The following SNX27 variants were observed in gnomAD, a reference collection of about 807,000 sequenced individuals.
The protein encoded by SNX27 is sorting nexin-27.
A neutral mutation model predicts 71.6 loss-of-function variants in SNX27; 22 were observed. The observed-to-expected ratio is 0.31, with a 90% CI of 0.22 to 0.44. The LOEUF is 0.44. Among genes scored for constraint, SNX27 ranks in the 20% least tolerant of loss-of-function variants. The pLI is 1.00. For missense variants in SNX27, 531 were observed against 698.6 expected, an observed-to-expected ratio of 0.76 and a Z score of 2.70; for synonymous variants, 269 against 277.2, an observed-to-expected ratio of 0.97 and a Z score of 0.29.
At position 151,698,674 on chromosome 1, in the gene SNX27, C is replaced by A. The variant is rs553750395; in HGVS notation, c.*4257C>A. On this transcript the variant is annotated 3_prime_UTR_variant, in exon 12 of 12. Transcript: ENST00000458013. Reference sequence around the variant, plus strand: ...GCTGCCAGGACAGCATCAGCTCACTCCTCAGCAATAATCTAGGGTATGTGG... The same window carrying A: ...GCTGCCAGGACAGCATCAGCTCACTACTCAGCAATAATCTAGGGTATGTGG... 7.2e-5 allele frequency: 11 copies of A among 152,596 alleles called. No homozygotes were observed. The highest frequency in any genetic ancestry group is 2.4e-4 in the African/African-American group (10 of 41,576). 9.5% of individuals were successfully genotyped at this position (152,596 alleles called of 1,614,324 possible). A position where few individuals can be genotyped will look rare whatever the true frequency, so the allele number is the denominator to read the frequency against.
At chr1:151,652,790 C>T (rs1224193394) in intron 2 of SNX27, among the ~76,000 whole-genome samples, 1 of 152,094 alleles carries the variant, frequency 6.6e-6, no homozygotes. Flanking sequence ...TCTGTTCATA[C>T]ATGTTTTCTG....
chr1:151,640,845 G>A (rs1406083450), intron 2 of SNX27, among the ~76,000 whole-genome samples: 1 of 152,068 alleles, frequency 6.6e-6, no homozygotes, highest in East Asian at 1.9e-4. Context: ...GTTCCCTCAT[G>A]CCCTTTACAG....
Position 151,625,039 on chromosome 1 carries a change from C to T in SNX27, c.311+12527C>T, listed in dbSNP as rs1373417542. On this transcript the variant is annotated intron_variant, in intron 1 of 11. Transcript: ENST00000458013. ...ACACCCGGTCAAAGGTAAAAAGTCC[C>T]AGTGATGGTAAGCAACTTATTTGAC... Among the ~76,000 whole-genome samples, 3 of 152,178 alleles carry T rather than the reference C, an allele frequency of 2.0e-5. No homozygotes were observed. The East Asian group carries it at 5.8e-4, about 29-fold the overall frequency.
chr1:151,643,246 G>T (rs919048460), intron 2 of SNX27, among the ~76,000 whole-genome samples: 6 of 150,876 alleles, frequency 4.0e-5, no homozygotes, highest in African/African-American at 1.2e-4. Flanking sequence ...TTACAGGCAT[G>T]AGCAACCACG....
intron 2 of SNX27, among the ~76,000 whole-genome samples, chr1:151,642,311 C>T (rs969460350): frequency 7.3e-5 from 11 of 151,300 alleles, no homozygotes; most frequent in South Asian, 2.1e-4. Context: ...CACTTGAACC[C>T]GGGAGGCTGA....
chr1:151,654,539 G>A (rs1417910853), intron 2 of SNX27, among the ~76,000 whole-genome samples: 1 of 152,032 alleles, frequency 6.6e-6, no homozygotes, highest in Non-Finnish European at 1.5e-5. Flanking sequence ...TGAAGAAGTG[G>A]ATCTTTGCCT....
intron 2 of SNX27, among the ~76,000 whole-genome samples, chr1:151,648,054 T>A (rs1319368311): frequency 6.6e-6 from 1 of 152,022 alleles, no homozygotes; most frequent in African/African-American, 2.4e-5. Context: ...TTGTTTTTTG[T>A]TTTTTGTTTT....
rs934808156 is a variant in SNX27, at chr1:151,668,839, G to A, written c.1149+204G>A. On this transcript the variant is annotated intron_variant, in intron 7 of 11. Transcript: ENST00000458013. Reference sequence around the variant, plus strand: ...AAGATATCCTGGAGTTTAAAAATACGTATTTTTTAAATATGTATTCTAATA... The same window carrying A: ...AAGATATCCTGGAGTTTAAAAATACATATTTTTTAAATATGTATTCTAATA... 1.3e-4 allele frequency among the ~76,000 whole-genome samples: 20 copies of A among 152,206 alleles called. 1 individual carries two copies. The highest frequency in any genetic ancestry group is 3.4e-3 in the Middle Eastern group (1 of 294).
chr1:151,659,741 C>T (rs1455172159), intron 3 of SNX27: 2 of 152,182 alleles, frequency 1.3e-5, no homozygotes, highest in African/African-American at 4.8e-5. Flanking sequence ...ATTTGTTTGT[C>T]TAGGAAGGCA....
At chr1:151,619,949 A>G (rs1437303539) in intron 1 of SNX27, among the ~76,000 whole-genome samples, 2 of 152,244 alleles carry the variant, frequency 1.3e-5, no homozygotes, top group African/African-American at 4.8e-5. Context: ...TGAAAAGCAC[A>G]ATCGAAGTAT....
At chr1:151,616,957 G>A (rs1667449115) in intron 1 of SNX27, among the ~76,000 whole-genome samples, 2 of 152,078 alleles carry the variant, frequency 1.3e-5, no homozygotes, top group South Asian at 4.1e-4. Context: ...TCAGTTACAT[G>A]CCCAGGGTGA....
At chr1:151,668,443 C>T (rs780497424) in intron 6 of SNX27, 29 bp from the exon 7 acceptor site, 33 of 1,593,122 alleles carry the variant, frequency 2.1e-5, no homozygotes, top group Non-Finnish European at 2.7e-5. Flanking sequence ...CTTTTCACTC[C>T]AGCTTTCTGT....
At chr1:151,693,697 C>A (rs1671570138) in intron 11 of SNX27, 1 of 1,611,196 alleles carries the variant, frequency 6.2e-7, no homozygotes, top group Non-Finnish European at 8.5e-7. Context: ...CTGCTTCTTC[C>A]CTTGTCTAGA....
intron 2 of SNX27, among the ~76,000 whole-genome samples, chr1:151,642,629 T>C (rs1373556675): frequency 6.6e-6 from 1 of 151,872 alleles, no homozygotes. Context: ...AACTTTATTA[T>C]TATTTATTTA....
intron 1 of SNX27, among the ~76,000 whole-genome samples, chr1:151,632,342 G>T (rs1430176931): frequency 6.6e-6 from 1 of 151,936 alleles, no homozygotes; most frequent in Non-Finnish European, 1.5e-5. Flanking sequence ...ATTTTTAGTA[G>T]AGACGGGGTT....
intron 11 of SNX27, chr1:151,693,779 C>G: frequency 1.4e-6 from 2 of 1,478,656 alleles, no homozygotes; most frequent in East Asian, 2.4e-5. Context: ...TTTTTTAAAT[C>G]AGATCACCCT....
rs1670317450 is a variant in SNX27, at chr1:151,668,600, G to C, written c.1114G>C (p.Asp372His). Residue 372 changes from aspartate (D) to histidine (H), a missense_variant, in exon 7 of 12, where the codon GAC becomes CAC. Asp to His is a moderately conservative substitution (Grantham distance 81). Coordinates refer to ENST00000458013, the MANE Select transcript of SNX27 (RefSeq NM_001330723.2). ...FTTEEEILLN[D>H]NDLAVTYFFH... Reference sequence around the variant, plus strand: ...AACAGAAGAAGAAATTCTCTTAAATGACAATGACCTTGCTGTTACCTACTT... The same window carrying C: ...AACAGAAGAAGAAATTCTCTTAAATCACAATGACCTTGCTGTTACCTACTT... 6.2e-7 allele frequency: 1 copy of C among 1,613,912 alleles called. No homozygotes were observed. The highest frequency in any genetic ancestry group is 8.5e-7 in the Non-Finnish European group (1 of 1,179,946).
intron 2 of SNX27, among the ~76,000 whole-genome samples, chr1:151,641,791 A>G (rs967882834): frequency 7.0e-6 from 1 of 143,076 alleles, no homozygotes; most frequent in African/African-American, 2.5e-5. Flanking sequence ...TATATATGAG[A>G]TATATAAGAT....
intron 10 of SNX27, 105 bp from the exon 11 acceptor site, chr1:151,693,319 A>T: frequency 8.3e-7 from 1 of 1,202,754 alleles, no homozygotes; most frequent in Non-Finnish European, 1.2e-6. Context: ...GTTTTTCTCT[A>T]GACTGAGTTT....
Sources: allele counts gnomAD v4.1 joint callset (sites outside exome capture counted in the v4.1 genomes callset), GRCh38; gene constraint gnomAD v4.1.1; transcripts MANE v1.5; gene names NCBI Gene and HGNC (gene_info 2026-07-23, HGNC 2026-07-21).